Variants in IL7R observed in about 807,000 individuals in gnomAD.
IL7R encodes the protein interleukin-7 receptor subunit alpha.
In IL7R, 38 loss-of-function variants were observed where a neutral mutation model predicts 47.0. That is an observed-to-expected ratio of 0.81 (90% CI 0.62 to 1.06). The LOEUF is 1.06. Ranked by LOEUF, IL7R falls within the 50% of genes least tolerant of loss-of-function variation. The pLI, the probability that IL7R is intolerant of heterozygous loss-of-function variation, is 0.00. For missense variants in IL7R, 633 were observed against 534.8 expected (o/e 1.18, Z -1.81); for synonymous variants, 221 against 199.8 (o/e 1.11, Z -0.89).
intron 6 of IL7R, among the ~76,000 whole-genome samples, chr5:35,874,900 A>C (rs1760166856): frequency 6.6e-6 from 1 of 152,218 alleles, no homozygotes; most frequent in African/African-American, 2.4e-5. Context: ...TTTTATACTA[A>C]TCCATGCTAA....
chr5:35,864,639 C>T (rs894701495), intron 2 of IL7R, among the ~76,000 whole-genome samples: 4 of 152,070 alleles, frequency 2.6e-5, no homozygotes, highest in African/African-American at 9.7e-5. Context: ...GGGCTAGTAT[C>T]TGTTAAAAGC....
At chr5:35,859,957 T>TC (rs5867290) in intron 1 of IL7R, among the ~76,000 whole-genome samples, 107,459 of 151,900 alleles carry the variant, frequency 0.71, 39,167 homozygotes, top group African/African-American at 0.87. Flanking sequence ...AGCCTCACTT[T>TC]CTATCATGTA....
At chr5:35,857,440 A>T (rs1293320854) in intron 1 of IL7R, among the ~76,000 whole-genome samples, 1 of 151,716 alleles carries the variant, frequency 6.6e-6, no homozygotes, top group African/African-American at 2.4e-5. Context: ...TTGACTTTTT[A>T]AGAAATCCTG....
chr5:35,876,234 A>G lies in IL7R; in HGVS notation c.1128A>G (p.Ala376=). The G allele has an allele frequency of 6.2e-7, 1 of 1,614,166 alleles. No homozygotes were observed. Among genetic ancestry groups the G allele is most frequent in the East Asian group, 2.2e-5 (1 of 44,872 alleles). ...CATGCCTGGCTGGGAATGTCAGTGC[A>G]TGTGACGCCCCTATTCTCTCCTCTT... The part of the protein sequence containing the change: ...SLTCLAGNVS[A]CDAPILSSSR... Residue 376 remains alanine, a synonymous_variant, in exon 8 of 8, where the codon GCA becomes GCG. Transcript: ENST00000303115.
chr5:35,866,361 C>A (rs1311437076), intron 2 of IL7R, among the ~76,000 whole-genome samples: 1 of 152,100 alleles, frequency 6.6e-6, no homozygotes, highest in Non-Finnish European at 1.5e-5. Context: ...CTATCAACTT[C>A]TTTTCTCTAA....
intron 3 of IL7R, among the ~76,000 whole-genome samples, chr5:35,868,787 C>G (rs1471731543): frequency 6.6e-6 from 1 of 152,198 alleles, no homozygotes; most frequent in Non-Finnish European, 1.5e-5. Context: ...AACTCCACAC[C>G]AGCATGCAAG....
At chr5:35,864,729 G>A (rs892906965) in intron 2 of IL7R, among the ~76,000 whole-genome samples, 2 of 152,008 alleles carry the variant, frequency 1.3e-5, no homozygotes, top group Non-Finnish European at 2.9e-5. Flanking sequence ...TCAGATAGAT[G>A]TATTGCATCT....
chr5:35,862,858 C>T (rs1218798660), intron 2 of IL7R, among the ~76,000 whole-genome samples: 1 of 152,130 alleles, frequency 6.6e-6, no homozygotes, highest in Non-Finnish European at 1.5e-5. Flanking sequence ...CCTAGTTTCT[C>T]CACATCCCAT....
At chr5:35,867,270 C>T in intron 2 of IL7R, 36 bp from the exon 3 acceptor site, 2 of 1,599,006 alleles carry the variant, frequency 1.3e-6, no homozygotes, top group Non-Finnish European at 1.7e-6. Flanking sequence ...GGAACTCCTA[C>T]CTGAATCAAG....
At chr5:35,870,740 C>T (rs761551741) in intron 3 of IL7R, among the ~76,000 whole-genome samples, 5 of 152,104 alleles carry the variant, frequency 3.3e-5, no homozygotes, top group South Asian at 2.1e-4. Flanking sequence ...GTGGCTCCAC[C>T]GTCTGTAATG....
chr5:35,874,130 G>T (rs922174509), intron 5 of IL7R, among the ~76,000 whole-genome samples: 18 of 152,298 alleles, frequency 1.2e-4, no homozygotes, highest in African/African-American at 3.9e-4. Context: ...TGCAACAGGG[G>T]TGAACATCCC....
intron 3 of IL7R, among the ~76,000 whole-genome samples, chr5:35,870,445 T>TG (rs1760043448): frequency 6.6e-6 from 1 of 152,186 alleles, no homozygotes; most frequent in South Asian, 2.1e-4. Context: ...TGAGACGAGG[T>TG]GCAAGGTTCA....
chr5:35,867,527 A>G, intron 3 of IL7R, 64 bp downstream of exon 3: 1 of 1,324,026 alleles, frequency 7.6e-7, no homozygotes, highest in Non-Finnish European at 1.1e-6. Context: ...CTGTGTCTGG[A>G]CATTCTGTAG....
intron 3 of IL7R, among the ~76,000 whole-genome samples, chr5:35,870,456 C>A (rs1167287303): frequency 6.6e-6 from 1 of 152,196 alleles, no homozygotes; most frequent in Non-Finnish European, 1.5e-5. Context: ...GCAAGGTTCA[C>A]AGCATATAAC....
intron 3 of IL7R, among the ~76,000 whole-genome samples, chr5:35,868,668 A>G (rs986049459): frequency 3.3e-5 from 5 of 152,184 alleles, no homozygotes; most frequent in African/African-American, 4.8e-5. Flanking sequence ...AAGGTTCACC[A>G]TTTACATTGC....
chr5:35,871,851 T>C (rs11567753), intron 4 of IL7R, among the ~76,000 whole-genome samples: 128 of 152,256 alleles, frequency 8.4e-4, no homozygotes, highest in African/African-American at 3.1e-3. Context: ...AGATTTCTCT[T>C]AACCCACCAA....
Position 35,875,371 on chromosome 5 carries a change from G to A in IL7R, c.801-141G>A, listed in dbSNP as rs915267530. 6 of 721,940 alleles carry A rather than the reference G, an allele frequency of 8.3e-6. No homozygotes were observed. In the Admixed American group the frequency reaches 1.2e-4, roughly 15 times the overall value. The allele number at this position is 721,940 out of a possible 1,614,324, so 44.7% of individuals were successfully genotyped here. ...GAGGCCCAGAGAAAGCCAGTCTCTT[G>A]ACCATGGTCACCCACCTAATTGTGT... On this transcript the variant is annotated intron_variant, in intron 6 of 7. Coordinates refer to ENST00000303115, the MANE Select transcript of IL7R (RefSeq NM_002185.5).
At chr5:35,866,932 C>T (rs193042243) in intron 2 of IL7R, among the ~76,000 whole-genome samples, 1 of 151,918 alleles carries the variant, frequency 6.6e-6, no homozygotes, top group African/African-American at 2.4e-5. Context: ...ATATTTTTTA[C>T]AGCTCTTATT....
At chr5:35,872,442 C>A (rs1252036074) in intron 4 of IL7R, among the ~76,000 whole-genome samples, 2 of 151,658 alleles carry the variant, frequency 1.3e-5, no homozygotes, top group Non-Finnish European at 2.9e-5. Context: ...AGGTGATCTG[C>A]CCACCTCAGC....
Sources: allele counts gnomAD v4.1 joint callset (sites outside exome capture counted in the v4.1 genomes callset), GRCh38; gene constraint gnomAD v4.1.1; transcripts MANE v1.5; gene names NCBI Gene and HGNC (gene_info 2026-07-23, HGNC 2026-07-21).